AP1G1: variants seen among roughly 807,000 people sequenced by gnomAD.
The protein encoded by AP1G1 is adaptor related protein complex 1 subunit gamma 1.
A neutral mutation model predicts 108.3 loss-of-function variants in AP1G1; 7 were observed. The observed-to-expected ratio is 0.06, with a 90% CI of 0.04 to 0.12. The LOEUF is 0.12. AP1G1 is among the 10% of genes least tolerant of loss of function. The pLI is 1.00. For synonymous variants in AP1G1, 379 were observed against 353.5 expected, an observed-to-expected ratio of 1.07 and a Z score of -0.81; for missense variants, 756 against 1,010.7, an observed-to-expected ratio of 0.75 and a Z score of 3.42.
At chr16:71,789,586 G>T in intron 1 of AP1G1, 104 bp from the exon 2 acceptor site, 1 of 1,185,806 alleles carries the variant, frequency 8.4e-7, no homozygotes. Context: ...AAGAATTCAA[G>T]ACTTGCCAAA....
At chr16:71,798,447 C>T (rs941606125) in intron 1 of AP1G1, among the ~76,000 whole-genome samples, 2 of 152,068 alleles carry the variant, frequency 1.3e-5, no homozygotes, top group African/African-American at 4.8e-5. Context: ...GATCCGCCAG[C>T]CTCGGCCTCC....
intron 2 of AP1G1, among the ~76,000 whole-genome samples, chr16:71,781,844 C>T (rs1366970140): frequency 1.3e-5 from 2 of 152,154 alleles, no homozygotes; most frequent in East Asian, 3.9e-4. Context: ...AGGTTATATA[C>T]CTAAGGAGGC....
At chr16:71,763,514 T>C (rs1370747849) in intron 9 of AP1G1, among the ~76,000 whole-genome samples, 1 of 152,232 alleles carries the variant, frequency 6.6e-6, no homozygotes, top group African/African-American at 2.4e-5. Context: ...TTTTATGTTA[T>C]ATATATTTTA....
At chr16:71,750,654 G>A (rs2030444311) in intron 13 of AP1G1, among the ~76,000 whole-genome samples, 1 of 151,734 alleles carries the variant, frequency 6.6e-6, no homozygotes. Context: ...GACCTCAGAT[G>A]ATCCACCTGC....
intron 1 of AP1G1, chr16:71,808,483 A>C: frequency 8.1e-7 from 1 of 1,239,342 alleles, no homozygotes; most frequent in South Asian, 1.3e-5. Context: ...TGAGAAAGTC[A>C]AGGGTTCAAG....
At chr16:71,799,004 A>T (rs1451454093) in intron 1 of AP1G1, among the ~76,000 whole-genome samples, 1 of 152,188 alleles carries the variant, frequency 6.6e-6, no homozygotes, top group African/African-American at 2.4e-5. Context: ...AAGAAAAATG[A>T]AGCAAGGACA....
intron 2 of AP1G1, among the ~76,000 whole-genome samples, chr16:71,776,628 G>C (rs1183619329): frequency 2.6e-5 from 4 of 152,136 alleles, no homozygotes; most frequent in African/African-American, 9.7e-5. Context: ...TCAGATATCA[G>C]AGTTTTCATC....
In AP1G1 at chr16:71,774,501, T is replaced by C. The variant is rs770148831; in HGVS notation, c.293A>G (p.Asp98Gly). ...GAMLLLDERQ[D>G]VHLLMTNCIK... ...ACAGTTGGTCATGAGAAGATGGACATCTTGTCTTTCATCTAACAGCAGCAT... is the reference window on the plus strand; with the variant it reads ...ACAGTTGGTCATGAGAAGATGGACACCTTGTCTTTCATCTAACAGCAGCAT... Residue 98 changes from aspartate to glycine, a missense_variant, in exon 3 of 23, where the codon GAT (aspartate) becomes GGT (glycine). Coordinates refer to ENST00000299980, the MANE Select transcript of AP1G1 (RefSeq NM_001128.6). The C allele has an allele frequency of 1.2e-6, 2 of 1,603,320 alleles. No homozygotes were observed. The highest frequency in any genetic ancestry group is 1.1e-5 in the South Asian group (1 of 88,568).
rs572941496 is a variant in AP1G1 at position 71,802,457 on chromosome 16, C to T, written c.-4+6306G>A. ...ACTTTAAAAAATTTTGGGCCAGGCG[C>T]GGTAGCTCATGCCTGTAATCCCGGC... On this transcript the variant is annotated intron_variant, in intron 1 of 22. Transcript: ENST00000299980. Among the ~76,000 whole-genome samples the T allele has an allele frequency of 1.6e-4, 25 of 152,186 alleles. No homozygotes were observed. In the East Asian group the frequency reaches 4.4e-3, roughly 27 times the overall value.
chr16:71,734,871 G>A (rs559858756), intron 21 of AP1G1, among the ~76,000 whole-genome samples, 164 bp from the exon 22 acceptor site: 11 of 152,326 alleles, frequency 7.2e-5, no homozygotes, highest in Middle Eastern at 6.8e-3. Flanking sequence ...TTCACAGCAC[G>A]TGAGTTGACT....
intron 6 of AP1G1, chr16:71,767,938 A>G: frequency 1.9e-6 from 3 of 1,565,880 alleles, no homozygotes; most frequent in Non-Finnish European, 2.6e-6. Flanking sequence ...ATACAAAGCA[A>G]GCATTAGGGA....
At position 71,731,458 on chromosome 16, in the gene AP1G1, T is replaced by C. The variant is rs1338921213; in HGVS notation, c.*1600A>G. On this transcript the variant is annotated 3_prime_UTR_variant, in exon 23 of 23. Coordinates refer to ENST00000299980, the MANE Select transcript of AP1G1 (RefSeq NM_001128.6). Reference sequence around the variant, plus strand: ...GGGATATTTGTTTCCAGGTTTAAGATTGAAGCCATAGTAGTCATTATACTG... The same window carrying C: ...GGGATATTTGTTTCCAGGTTTAAGACTGAAGCCATAGTAGTCATTATACTG... 3 of 152,678 alleles carry C rather than the reference T, an allele frequency of 2.0e-5. No homozygotes were observed. The highest frequency in any genetic ancestry group is 4.8e-5 in the African/African-American group (2 of 41,458). The allele number at this position is 152,678 out of a possible 1,614,324, so 9.5% of individuals were successfully genotyped here. A position where few individuals can be genotyped will look rare whatever the true frequency, so the allele number is the denominator to read the frequency against.
intron 12 of AP1G1, 187 bp downstream of exon 12, chr16:71,755,832 G>A (rs572457654): frequency 1.7e-5 from 10 of 581,452 alleles, no homozygotes; most frequent in East Asian, 1.2e-4. Flanking sequence ...TTTTAGTGGC[G>A]ACAGGGTTTC....
chr16:71,776,729 G>T (rs1340300079), intron 2 of AP1G1, among the ~76,000 whole-genome samples: 1 of 152,060 alleles, frequency 6.6e-6, no homozygotes, highest in Non-Finnish European at 1.5e-5. Context: ...CATACTCTTA[G>T]GCATTAATAC....
At position 71,773,920 on chromosome 16, in the gene AP1G1, G is replaced by A. The variant is rs543526318; in HGVS notation, c.326+548C>T. Among the ~76,000 whole-genome samples, 657 of 151,166 alleles carry A rather than the reference G, an allele frequency of 4.3e-3. 11 individuals carry two copies. Among genetic ancestry groups the A allele is most frequent in the African/African-American group, 0.015 (637 of 41,324 alleles). Reference sequence around the variant, plus strand: ...TGGGACTACAGGCGCACGCCACCACGTCCCATTAATTTTTGTATTTTGTAT... The same window carrying A: ...TGGGACTACAGGCGCACGCCACCACATCCCATTAATTTTTGTATTTTGTAT... On this transcript the variant is annotated intron_variant, in intron 3 of 22. Transcript: ENST00000299980.
chr16:71,771,383 G>T, intron 4 of AP1G1, 131 bp from the exon 5 acceptor site: 1 of 575,174 alleles, frequency 1.7e-6, no homozygotes, highest in Non-Finnish European at 3.0e-6. Flanking sequence ...GAAGGAAGAG[G>T]TTAGATATTA....
chr16:71,747,982 CAACA>C (rs916016366), intron 16 of AP1G1, among the ~76,000 whole-genome samples: 8 of 152,244 alleles, frequency 5.3e-5, no homozygotes, highest in African/African-American at 1.4e-4. Context: ...GACCCTGTCT[CAACA>C]AACAAACAAA....
At chr16:71,761,798 C>A (rs1230556014) in intron 9 of AP1G1, among the ~76,000 whole-genome samples, 11 of 106,902 alleles carry the variant, frequency 1.0e-4, no homozygotes, top group African/African-American at 4.2e-4. Flanking sequence ...GTCGGAGCAA[C>A]AGAGCAAGAC....
intron 1 of AP1G1, among the ~76,000 whole-genome samples, chr16:71,807,276 C>A (rs903247518): frequency 6.6e-6 from 1 of 152,090 alleles, no homozygotes; most frequent in Admixed American, 6.6e-5. Context: ...AATACAACAA[C>A]AAAAAATTAG....
Sources: gnomAD v4.1 joint callset for allele counts (sites outside exome capture counted in the v4.1 genomes callset) on GRCh38, gnomAD v4.1.1 for gene constraint, MANE v1.5 for transcripts, NCBI Gene and HGNC (gene_info 2026-07-23, HGNC 2026-07-21) for gene names.